SYNE2: variants seen among roughly 807,000 people sequenced by gnomAD.
SYNE2 encodes nesprin-2.
SYNE2 carries 431 observed loss-of-function variants against 856.3 expected under a neutral mutation model. The observed-to-expected ratio is 0.50, with a 90% CI of 0.47 to 0.55. The LOEUF is 0.55. Ranked by LOEUF, SYNE2 falls within the 20% of genes least tolerant of loss-of-function variation. The pLI is 0.00. For synonymous variants in SYNE2, 2,923 were observed against 2,872.3 expected (o/e 1.02, Z -0.56); for missense variants, 8,129 against 8,023.2 (o/e 1.01, Z -0.50).
intron 1 of SYNE2, among the ~76,000 whole-genome samples, chr14:63,776,205 T>C (rs1887099835): frequency 6.6e-6 from 1 of 152,230 alleles, no homozygotes; most frequent in Admixed American, 6.5e-5. Context: ...AGATAAATTA[T>C]TGCATGAACC....
At position 64,125,156 on chromosome 14, in the gene SYNE2, C is replaced by G. The variant is rs761867647; in HGVS notation, c.13500C>G (p.Thr4500=). The part of the protein sequence containing the change: ...FRYPTTEELK[T]YTTQLEDLRQ... The stretch of plus-strand genomic sequence containing the variant: ...ACCCAACAACTGAAGAACTGAAAAC[C>G]TATACCACCCAACTTGAAGACCTGC... The change falls in exon 71 of 116, where the codon ACC becomes ACG. Residue 4500 remains threonine, a synonymous_variant. Transcript: ENST00000555002. The G allele has an allele frequency of 9.3e-6, 15 of 1,614,112 alleles. No individual in the cohort carries two copies. Among genetic ancestry groups the G allele is most frequent in the Non-Finnish European group, 1.3e-5 (15 of 1,180,022 alleles).
At chr14:64,062,634 G>A (rs1019538786) in intron 49 of SYNE2, 117 bp from the exon 50 acceptor site, 7 of 1,074,642 alleles carry the variant, frequency 6.5e-6, no homozygotes, top group African/African-American at 1.6e-5. Flanking sequence ...TAGCAAAAAC[G>A]AAAGTTGTCA....
rs764915821 is a variant in SYNE2 at position 64,000,657 on chromosome 14, A to T, written c.3576A>T (p.Val1192=). ...NHVNDIKKPF[V]IKERDTLKER... is the part of the protein sequence containing the mutation. ...TGAATGACATAAAAAAGCCTTTTGTAATTAAGGAAAGAGACACACTAAAGG... is the reference window on the plus strand; with the variant it reads ...TGAATGACATAAAAAAGCCTTTTGTTATTAAGGAAAGAGACACACTAAAGG... Residue 1192 remains valine, a synonymous_variant, in exon 28 of 116, where the codon GTA becomes GTT. Coordinates refer to ENST00000555002, the MANE Select transcript of SYNE2 (RefSeq NM_182914.3). The T allele has an allele frequency of 6.2e-7, 1 of 1,613,614 alleles. No individual in the cohort carries two copies. The highest frequency in any genetic ancestry group is 1.7e-5 in the Admixed American group (1 of 59,988).
intron 106 of SYNE2, among the ~76,000 whole-genome samples, chr14:64,214,983 TCC>T (rs756015937): frequency 1.2e-4 from 18 of 152,098 alleles, no homozygotes; most frequent in Non-Finnish European, 1.9e-4. Context: ...CAAGAAGTCC[TCC>T]CGCCTCAGCC....
At chr14:63,794,947 T>G (rs1229353562) in intron 1 of SYNE2, among the ~76,000 whole-genome samples, 1 of 152,208 alleles carries the variant, frequency 6.6e-6, no homozygotes, top group Admixed American at 6.5e-5. Context: ...ACACAAACAC[T>G]TGTATGTGAA....
At chr14:64,074,183 T>G (rs1298856824) in intron 53 of SYNE2, 47 bp downstream of exon 53, 1 of 1,582,652 alleles carries the variant, frequency 6.3e-7, no homozygotes, top group South Asian at 1.1e-5. Flanking sequence ...AGGCCCACAG[T>G]CTTGTATCCA....
At chr14:64,119,380 T>A (rs776669309) in intron 66 of SYNE2, 47 bp from the exon 67 acceptor site, 3 of 1,609,998 alleles carry the variant, frequency 1.9e-6, no homozygotes, top group Non-Finnish European at 2.5e-6. Context: ...GGCACAATAC[T>A]TCTTCAAGAA....
intron 45 of SYNE2, among the ~76,000 whole-genome samples, chr14:64,044,356 A>AC (rs2097170547): frequency 6.6e-6 from 1 of 152,106 alleles, no homozygotes; most frequent in Non-Finnish European, 1.5e-5. Context: ...CAATACCTGT[A>AC]CCCCCATTGT....
At chr14:64,084,001 C>T (rs10138308) in intron 57 of SYNE2, among the ~76,000 whole-genome samples, 10,825 of 151,804 alleles carry the variant, frequency 0.071, 614 homozygotes, top group African/African-American at 0.16. Flanking sequence ...CTTGGCTCAC[C>T]GCAACCTCCA....
At chr14:64,099,553 C>A (rs1172422896) in intron 63 of SYNE2, 1 of 152,724 alleles carries the variant, frequency 6.5e-6, no homozygotes, top group Non-Finnish European at 1.5e-5. Context: ...CATCAAACAA[C>A]TTTGCAATCT....
intron 1 of SYNE2, among the ~76,000 whole-genome samples, chr14:63,838,656 G>A (rs560231911): frequency 2.9e-4 from 44 of 152,064 alleles, no homozygotes; most frequent in African/African-American, 9.2e-4. Flanking sequence ...CTATAGGCAC[G>A]CATAACTGAG....
intron 19 of SYNE2, among the ~76,000 whole-genome samples, chr14:63,989,613 C>A (rs2096651913): frequency 6.6e-6 from 1 of 152,006 alleles, no homozygotes; most frequent in East Asian, 1.9e-4. Context: ...GCTGGTATTA[C>A]AGGCATGAGC....
intron 1 of SYNE2, among the ~76,000 whole-genome samples, chr14:63,904,929 A>G (rs1412995725): frequency 1.3e-5 from 2 of 152,082 alleles, no homozygotes; most frequent in African/African-American, 4.8e-5. Context: ...CAGGATTTTT[A>G]TAGTTTGAGG....
intron 1 of SYNE2, among the ~76,000 whole-genome samples, chr14:63,779,769 G>A (rs1887242700): frequency 6.6e-6 from 1 of 152,104 alleles, no homozygotes; most frequent in Non-Finnish European, 1.5e-5. Flanking sequence ...AAATTAGCCA[G>A]GCGTGGTGCC....
chr14:64,155,287 C>CAT (rs35492086), intron 85 of SYNE2, among the ~76,000 whole-genome samples: 149 of 151,076 alleles, frequency 9.9e-4, no homozygotes, highest in East Asian at 3.3e-3. Flanking sequence ...GTAGTACATA[C>CAT]ATATATATAT....
At chr14:63,867,064 C>T (rs1025596497) in intron 1 of SYNE2, among the ~76,000 whole-genome samples, 8 of 152,316 alleles carry the variant, frequency 5.3e-5, no homozygotes, top group African/African-American at 1.9e-4. Context: ...AACACAGAAA[C>T]CATCTACCTC....
rs748902348 is a variant in SYNE2 at position 64,126,638 on chromosome 14, G to A, written c.13748G>A (p.Ser4583Asn). Reference protein sequence around the residue: ...LELKKLYLALSDKKGDLLKAM... With the variant: ...LELKKLYLALNDKKGDLLKAM... ...TTGAAGAAACTTTATTTAGCGCTAA[G>A]TGACAAGAAGGGTGATCTTTTGAAA... is the stretch of plus-strand genomic sequence containing the variant. The change falls in exon 73 of 116, where the codon AGT becomes AAT. Residue 4583 changes from serine to asparagine, a missense_variant. Coordinates refer to ENST00000555002, the MANE Select transcript of SYNE2 (RefSeq NM_182914.3). 6.2e-7 allele frequency: 1 copy of A among 1,614,090 alleles called. No homozygotes were observed. Among genetic ancestry groups the A allele is most frequent in the African/African-American group, 1.3e-5 (1 of 74,918 alleles).
At chr14:64,093,142 G>A (rs1824931334) in intron 60 of SYNE2, among the ~76,000 whole-genome samples, 2 of 152,156 alleles carry the variant, frequency 1.3e-5, no homozygotes, top group Non-Finnish European at 2.9e-5. Flanking sequence ...TGCCCAAGGT[G>A]CCCTGGCATC....
chr14:64,126,919 A>G (rs2097951848), intron 73 of SYNE2, 112 bp downstream of exon 73: 1 of 1,150,636 alleles, frequency 8.7e-7, no homozygotes, highest in East Asian at 2.5e-5. Flanking sequence ...GCTAAGGGAA[A>G]TGATGAGACT....
Sources: allele counts gnomAD v4.1 joint callset (sites outside exome capture counted in the v4.1 genomes callset), GRCh38; gene constraint gnomAD v4.1.1; transcripts MANE v1.5; gene names NCBI Gene and HGNC (gene_info 2026-07-23, HGNC 2026-07-21).